The following IQSEC1 variants were observed in gnomAD, a reference collection of about 807,000 sequenced individuals.
IQSEC1 encodes the protein IQ motif and Sec7 domain ArfGEF 1, also known as IQ motif and SEC7 domain-containing protein 1.
Under a neutral mutation model 91.0 loss-of-function variants are expected in IQSEC1, and 31 were observed. That is an observed-to-expected ratio of 0.34 (90% CI 0.26 to 0.46). The LOEUF is 0.46. IQSEC1 is among the 20% of genes least tolerant of loss of function. The pLI, the probability that IQSEC1 is intolerant of heterozygous loss-of-function variation, is 1.00. For missense variants in IQSEC1, 1,388 were observed against 1,575.6 expected, an observed-to-expected ratio of 0.88 and a Z score of 2.02; for synonymous variants, 699 against 662.6, an observed-to-expected ratio of 1.05 and a Z score of -0.84.
chr3:13,172,061 A>G (rs1463643617), intron 1 of IQSEC1, among the ~76,000 whole-genome samples: 1 of 152,170 alleles, frequency 6.6e-6, no homozygotes, highest in Non-Finnish European at 1.5e-5. Context: ...GGGAGAGGCC[A>G]CACATCCACA....
chr3:13,051,457 T>C (rs1704687516), intron 1 of IQSEC1, among the ~76,000 whole-genome samples: 1 of 152,060 alleles, frequency 6.6e-6, no homozygotes, highest in Non-Finnish European at 1.5e-5. Flanking sequence ...GAATGGGCTG[T>C]GACTGTGACT....
chr3:13,277,137 A>AAAAAAAAAAAAAAAAAAAAAAC (rs60347391), intron 1 of IQSEC1, among the ~76,000 whole-genome samples: 3 of 118,326 alleles, frequency 2.5e-5, no homozygotes, highest in African/African-American at 1.1e-4. Flanking sequence ...AAAAAAAAAA[A>AAAAAAAAAAAAAAAAAAAAAAC]CAGAAAACAA....
At chr3:13,033,138 C>T (rs1015353472) in intron 1 of IQSEC1, among the ~76,000 whole-genome samples, 5 of 152,178 alleles carry the variant, frequency 3.3e-5, no homozygotes, top group African/African-American at 1.2e-4. Context: ...AGGTGAACAC[C>T]TCACTTGTCT....
At chr3:13,114,741 C>T (rs1312240617) in intron 2 of IQSEC1, among the ~76,000 whole-genome samples, 1 of 139,948 alleles carries the variant, frequency 7.1e-6, no homozygotes, top group South Asian at 2.2e-4. Context: ...CGCAGTGGAC[C>T]AAGATCACGT....
At chr3:13,237,493 G>A (rs367969617) in intron 1 of IQSEC1, among the ~76,000 whole-genome samples, 1 of 152,154 alleles carries the variant, frequency 6.6e-6, no homozygotes, top group East Asian at 1.9e-4. Context: ...TGGAGCTATC[G>A]CACGAGGGAA....
At chr3:13,040,235 T>C (rs891453098) in intron 1 of IQSEC1, among the ~76,000 whole-genome samples, 4 of 152,180 alleles carry the variant, frequency 2.6e-5, no homozygotes, top group South Asian at 2.1e-4. Flanking sequence ...CCAACTCCCA[T>C]GTCTAGGCCC....
intron 10 of IQSEC1, among the ~76,000 whole-genome samples, chr3:12,911,136 C>T (rs11712893): frequency 0.026 from 3,889 of 152,272 alleles, 66 homozygotes; most frequent in Non-Finnish European, 0.038. Flanking sequence ...CTGTGGCAGG[C>T]ACTACCTTAC....
At chr3:13,194,893 C>A (rs1217672815) in intron 1 of IQSEC1, among the ~76,000 whole-genome samples, 2 of 152,200 alleles carry the variant, frequency 1.3e-5, no homozygotes, top group African/African-American at 4.8e-5. Context: ...TCCACAAAAC[C>A]TTTAGAAAAA....
In IQSEC1 at chr3:12,941,756, C is replaced by T. The variant is rs753404458; in HGVS notation, c.133G>A (p.Glu45Lys). 9 of 1,612,206 alleles carry T rather than the reference C, an allele frequency of 5.6e-6. No homozygotes were observed. The East Asian group carries it at 6.7e-5, about 12-fold the overall frequency. ...PGSSLSPDHY[E>K]HTSVGAYGLY... ...CCATAGGCTCCCACTGACGTGTGCT[C>T]GTAGTGATCCGGGCTCAGGCTGGAA... is the stretch of plus-strand genomic sequence containing the variant. The change falls in exon 2 of 14, where the codon GAG becomes AAG. Residue 45 changes from glutamate to lysine, a missense_variant. Glu to Lys is a moderately conservative substitution (Grantham distance 56). Around this residue, in one of 2 missense-constraint regions of IQSEC1, gnomAD observed 1,059 missense variants for 1,317.8 expected, o/e 0.80. Coordinates refer to ENST00000613206, the MANE Select transcript of IQSEC1 (RefSeq NM_001134382.3).
chr3:13,020,075 A>G (rs79585528), intron 1 of IQSEC1, among the ~76,000 whole-genome samples: 6,581 of 152,276 alleles, frequency 0.043, 170 homozygotes, highest in Middle Eastern at 0.071. Context: ...TTCTGTCAAC[A>G]AGCCCTGAGG....
intron 1 of IQSEC1, among the ~76,000 whole-genome samples, chr3:12,942,426 C>A (rs1438903795): frequency 6.6e-6 from 1 of 151,554 alleles, no homozygotes; most frequent in Non-Finnish European, 1.5e-5. Context: ...CACGGCGAAA[C>A]CCTGTCTCTA....
intron 2 of IQSEC1, among the ~76,000 whole-genome samples, chr3:13,152,642 G>A (rs183085): frequency 0.3 from 45,520 of 152,112 alleles, 7,125 homozygotes; most frequent in East Asian, 0.53. Flanking sequence ...AGGCTGAGAC[G>A]GGCGGATCAC....
intron 2 of IQSEC1, among the ~76,000 whole-genome samples, chr3:13,154,423 G>T (rs1012668276): frequency 2.0e-5 from 1 of 49,320 alleles, no homozygotes; most frequent in Non-Finnish European, 3.6e-5. Context: ...ACACCAGGAA[G>T]CTGGAACTTA....
intron 1 of IQSEC1, among the ~76,000 whole-genome samples, chr3:13,038,689 T>C (rs1379659459): frequency 1.3e-5 from 2 of 152,114 alleles, no homozygotes; most frequent in Admixed American, 6.6e-5. Context: ...GGATAAATGC[T>C]TGAGGGGATG....
rs564827781 is a variant in IQSEC1, at chr3:13,008,224, C to T, written c.23+64768G>A. ...TTACCATCACCACCTTGTCACCCTC[C>T]GTCTGGGGTCTGAGGCCAAGCTGGA... On this transcript the variant is annotated intron_variant, in intron 1 of 13. Coordinates refer to ENST00000613206, the MANE Select transcript of IQSEC1 (RefSeq NM_001134382.3). The surrounding 1 kb of genome is among the most constrained non-coding windows in gnomAD (Gnocchi z 4.1). Among the ~76,000 whole-genome samples, 192 of 152,316 alleles carry T rather than the reference C, an allele frequency of 1.3e-3. 1 individual carries two copies. The highest frequency in any genetic ancestry group is 4.2e-3 in the African/African-American group (174 of 41,564).
chr3:13,190,205 C>T (rs760404525), intron 1 of IQSEC1, among the ~76,000 whole-genome samples: 1 of 152,324 alleles, frequency 6.6e-6, no homozygotes, highest in East Asian at 1.9e-4. Flanking sequence ...GGAAGGAACC[C>T]CAAGGCACTG....
intron 2 of IQSEC1, among the ~76,000 whole-genome samples, chr3:13,086,993 G>A (rs956999902): frequency 3.9e-5 from 6 of 152,168 alleles, no homozygotes; most frequent in Non-Finnish European, 8.8e-5. Context: ...ATAAATGTTT[G>A]CCAACCAAAC....
At chr3:13,037,523 T>C (rs1704080301) in intron 1 of IQSEC1, among the ~76,000 whole-genome samples, 1 of 152,102 alleles carries the variant, frequency 6.6e-6, no homozygotes, top group African/African-American at 2.4e-5. Context: ...AAATGTTGAC[T>C]GAAAAAACAA....
At position 12,935,991 on chromosome 3, in the gene IQSEC1, T is replaced by A; in HGVS notation, c.1025A>T (p.Asp342Val). 1.9e-6 allele frequency: 3 copies of A among 1,599,932 alleles called. No homozygotes were observed. Among genetic ancestry groups the A allele is most frequent in the Middle Eastern group, 1.7e-4 (1 of 5,876 alleles). The change falls in exon 3 of 14, where the codon GAC (aspartate) becomes GTC (valine). Residue 342 changes from aspartate to valine, a missense_variant. By Grantham distance (152) the Asp-to-Val change is radical (BLOSUM62 -3). Transcript: ENST00000613206. The surrounding 1 kb of genome is among the most constrained non-coding windows in gnomAD (Gnocchi z 8.0). ...LAHKEDKADT[D>V]TSCRSTPSLE... Reference sequence around the variant, plus strand: ...CGACGGCGTGCTCCGGCAGCTCGTGTCCGTGTCAGCCTTGTCCTCTTTGTG... The same window carrying A: ...CGACGGCGTGCTCCGGCAGCTCGTGACCGTGTCAGCCTTGTCCTCTTTGTG...
Sources: gnomAD v4.1 joint callset for allele counts (sites outside exome capture counted in the v4.1 genomes callset) on GRCh38, gnomAD v4.1.1 for gene constraint, gnomAD v4.1.1 regional missense constraint, Gnocchi (gnomAD v3.1) non-coding constraint, MANE v1.5 for transcripts, NCBI Gene and HGNC (gene_info 2026-07-23, HGNC 2026-07-21) for gene names.